Variants in PRKN observed in about 807,000 individuals in gnomAD.
PRKN encodes the protein E3 ubiquitin-protein ligase parkin.
PRKN carries 56 observed loss-of-function variants against 59.5 expected under a neutral mutation model. The observed-to-expected ratio is 0.94, with a 90% CI of 0.76 to 1.18. The LOEUF is 1.18. Among genes scored for constraint, PRKN ranks in the 50% most tolerant of loss-of-function variants. The pLI is 0.00. For synonymous variants in PRKN, 250 were observed against 222.1 expected (o/e 1.13, Z -1.12); for missense variants, 657 against 596.4 (o/e 1.10, Z -1.06).
chr6:162,171,506 C>T (rs2076208910), intron 4 of PRKN, among the ~76,000 whole-genome samples: 5 of 152,186 alleles, frequency 3.3e-5, no homozygotes, highest in South Asian at 2.1e-4. Flanking sequence ...GGAAAATACT[C>T]GTATCTACAG....
chr6:161,465,186 C>T (rs1476110605), intron 9 of PRKN, among the ~76,000 whole-genome samples: 1 of 152,166 alleles, frequency 6.6e-6, no homozygotes, highest in African/African-American at 2.4e-5. Context: ...GGCCTTTCTG[C>T]CTCAGTGTTT....
chr6:161,816,955 G>GA (rs1380259613), intron 6 of PRKN, among the ~76,000 whole-genome samples: 3 of 152,054 alleles, frequency 2.0e-5, no homozygotes, highest in Non-Finnish European at 4.4e-5. Flanking sequence ...AAAGGGAACT[G>GA]AAAAAATGAG....
intron 6 of PRKN, among the ~76,000 whole-genome samples, chr6:161,943,968 CAGCCTGAGGAAGCAGCCTGAGGAAGG>C (rs777521177): frequency 6.8e-4 from 100 of 147,000 alleles, no homozygotes; most frequent in South Asian, 6.5e-4. Flanking sequence ...CTTGAGGAAG[CAGCCTGAGGAAGCAGCCTGAGGAAGG>C]AGCCTGAGGA....
chr6:161,694,155 A>G (rs1279870304), intron 7 of PRKN, among the ~76,000 whole-genome samples: 2 of 152,180 alleles, frequency 1.3e-5, no homozygotes, highest in African/African-American at 4.8e-5. Flanking sequence ...GGTTACAGAG[A>G]ACTTTTGATA....
intron 7 of PRKN, among the ~76,000 whole-genome samples, chr6:161,739,940 A>G (rs1050597037): frequency 1.3e-5 from 2 of 152,070 alleles, no homozygotes; most frequent in Admixed American, 1.3e-4. Context: ...TTTTTAGTAA[A>G]GACAGGGTTT....
At chr6:162,478,827 C>T (rs944422067) in intron 1 of PRKN, among the ~76,000 whole-genome samples, 2 of 151,958 alleles carry the variant, frequency 1.3e-5, no homozygotes, top group African/African-American at 4.8e-5. Flanking sequence ...TATATAAACA[C>T]AAAAAAGTAA....
At chr6:161,646,900 T>A (rs546837268) in intron 7 of PRKN, among the ~76,000 whole-genome samples, 16 of 152,332 alleles carry the variant, frequency 1.1e-4, no homozygotes, top group Admixed American at 8.5e-4. Flanking sequence ...AAAAAATTCA[T>A]ACTAAATTTG....
At chr6:161,936,209 A>AT (rs1203820292) in intron 6 of PRKN, among the ~76,000 whole-genome samples, 4,156 of 137,080 alleles carry the variant, frequency 0.03, 101 homozygotes, top group East Asian at 0.057. Context: ...TCATGGCAAC[A>AT]TTTTTTTTTT....
At chr6:162,458,594 C>A (rs905676820) in intron 1 of PRKN, among the ~76,000 whole-genome samples, 2 of 150,502 alleles carry the variant, frequency 1.3e-5, no homozygotes, top group Non-Finnish European at 2.9e-5. Flanking sequence ...AGAGATGGGA[C>A]AGCTTGCTGG....
chr6:161,543,743 A>C (rs1468179521), intron 9 of PRKN, among the ~76,000 whole-genome samples: 1 of 152,244 alleles, frequency 6.6e-6, no homozygotes, highest in Non-Finnish European at 1.5e-5. Context: ...TCACCCAGAC[A>C]TGTAATACCC....
Position 161,459,565 on chromosome 6 carries a change from C to A in PRKN, c.1084-72688G>T, listed in dbSNP as rs1263683154. The stretch of plus-strand genomic sequence containing the variant: ...ACAGGAATGCCTAGAGCTTCTGGCA[C>A]ACAGGGTAGCAGGCCTTCCTGATGC... On this transcript the variant is annotated intron_variant, in intron 9 of 11. Transcript: ENST00000366898. The surrounding 1 kb of genome is among the most constrained non-coding windows in gnomAD (Gnocchi z 4.8). 2.0e-5 allele frequency among the ~76,000 whole-genome samples: 3 copies of A among 152,186 alleles called. No individual in the cohort carries two copies. Among genetic ancestry groups the A allele is most frequent in the African/African-American group, 7.2e-5 (3 of 41,454 alleles).
chr6:161,741,254 C>T (rs767768679), intron 7 of PRKN, among the ~76,000 whole-genome samples: 5 of 152,234 alleles, frequency 3.3e-5, no homozygotes, highest in East Asian at 1.9e-4. Context: ...AGGGTAATTC[C>T]GTGGATTTAT....
intron 7 of PRKN, among the ~76,000 whole-genome samples, chr6:161,694,047 A>G (rs545088027): frequency 2.4e-4 from 37 of 152,206 alleles, no homozygotes; most frequent in Non-Finnish European, 4.3e-4. Context: ...TGTTACCTCA[A>G]GCATTCTCTA....
intron 2 of PRKN, among the ~76,000 whole-genome samples, chr6:162,398,683 C>T (rs1428012131): frequency 6.6e-6 from 1 of 152,182 alleles, no homozygotes; most frequent in African/African-American, 2.4e-5. Context: ...AGGCACTCCA[C>T]CTGGGCCAGC....
chr6:161,899,606 T>C (rs971554768), intron 6 of PRKN, among the ~76,000 whole-genome samples: 1 of 152,170 alleles, frequency 6.6e-6, no homozygotes, highest in Non-Finnish European at 1.5e-5. Context: ...ACAAAGATAT[T>C]TCCCACTGCC....
At chr6:162,664,219 G>A (rs906495600) in intron 1 of PRKN, among the ~76,000 whole-genome samples, 4 of 152,238 alleles carry the variant, frequency 2.6e-5, no homozygotes, top group African/African-American at 9.6e-5. Flanking sequence ...CAAAGGACAC[G>A]ATTTCATTCT....
intron 7 of PRKN, among the ~76,000 whole-genome samples, chr6:161,768,390 C>T (rs1001529810): frequency 2.6e-5 from 4 of 152,124 alleles, no homozygotes; most frequent in Non-Finnish European, 4.4e-5. Flanking sequence ...CCATAGGTAG[C>T]AGCAACGTAA....
chr6:162,191,102 G>A (rs538648436), intron 4 of PRKN, among the ~76,000 whole-genome samples: 2 of 152,318 alleles, frequency 1.3e-5, no homozygotes, highest in South Asian at 2.1e-4. Context: ...GGGTTTCCAC[G>A]CAGGAAAGAA....
At chr6:162,049,525 A>G (rs1777539037) in intron 5 of PRKN, among the ~76,000 whole-genome samples, 1 of 152,150 alleles carries the variant, frequency 6.6e-6, no homozygotes, top group South Asian at 2.1e-4. Context: ...TGTTTATTAA[A>G]TACAGAAGAA....
Sources: gnomAD v4.1 joint callset for allele counts (sites outside exome capture counted in the v4.1 genomes callset) on GRCh38, gnomAD v4.1.1 for gene constraint, Gnocchi (gnomAD v3.1) non-coding constraint, MANE v1.5 for transcripts, NCBI Gene and HGNC (gene_info 2026-07-23, HGNC 2026-07-21) for gene names.